The following CADM2 variants were observed in gnomAD, a reference collection of about 807,000 sequenced individuals.
CADM2 encodes the protein cell adhesion molecule 2.
Under a neutral mutation model 49.8 loss-of-function variants are expected in CADM2, and 12 were observed. That is an observed-to-expected ratio of 0.24 (90% CI 0.15 to 0.39). CADM2 has a LOEUF of 0.39. Ranked by LOEUF, CADM2 falls within the 10% of genes least tolerant of loss-of-function variation. CADM2 has a pLI of 1.00. For missense variants in CADM2, 378 were observed against 492.3 expected (o/e 0.77, Z 2.20); for synonymous variants, 214 against 175.4 (o/e 1.22, Z -1.74).
chr3:85,677,611 T>G (rs1218049056), intron 1 of CADM2, among the ~76,000 whole-genome samples: 1 of 152,188 alleles, frequency 6.6e-6, no homozygotes, highest in East Asian at 1.9e-4. Context: ...TAAAGAATTA[T>G]TTTTGAACAA....
chr3:85,400,187 T>C (rs1480903019), intron 1 of CADM2, among the ~76,000 whole-genome samples: 3 of 152,210 alleles, frequency 2.0e-5, no homozygotes, highest in Non-Finnish European at 4.4e-5. Context: ...AAAGGCCTTT[T>C]CTGCATCTAT....
intron 1 of CADM2, among the ~76,000 whole-genome samples, chr3:85,004,764 C>A (rs1286495689): frequency 6.6e-6 from 1 of 152,082 alleles, no homozygotes. Flanking sequence ...TCATTTTAAG[C>A]CATGTTAAGT....
At chr3:85,717,924 C>T (rs377460824) in intron 1 of CADM2, among the ~76,000 whole-genome samples, 22 of 152,104 alleles carry the variant, frequency 1.4e-4, no homozygotes, top group Admixed American at 2.6e-4. Flanking sequence ...CCTGCCACCA[C>T]GCCTGGCTAA....
chr3:85,701,976 ATAGATAGATAGATAGATAG>A (rs1559601862), intron 1 of CADM2, among the ~76,000 whole-genome samples: 5,472 of 70,170 alleles, frequency 0.078, 317 homozygotes, highest in African/African-American at 0.18. Flanking sequence ...ATAGACATAG[ATAGATAGATAGATAGATAG>A]ATAGATAGAT....
At chr3:85,028,724 A>C (rs1050167910) in intron 1 of CADM2, among the ~76,000 whole-genome samples, 1 of 152,060 alleles carries the variant, frequency 6.6e-6, no homozygotes, top group Non-Finnish European at 1.5e-5. Flanking sequence ...TAAGAATTCC[A>C]TCTCCTTATT....
chr3:85,604,777 C>A (rs1403683067), intron 1 of CADM2, among the ~76,000 whole-genome samples: 15 of 151,954 alleles, frequency 9.9e-5, no homozygotes, highest in Non-Finnish European at 2.1e-4. Context: ...AAAAGGAATT[C>A]AATCCATCAC....
chr3:85,839,643 G>A (rs1319554496), intron 3 of CADM2, among the ~76,000 whole-genome samples: 2 of 151,706 alleles, frequency 1.3e-5, no homozygotes, highest in Non-Finnish European at 2.9e-5. Flanking sequence ...GAGGGGAAGT[G>A]GGACTGAAAA....
At chr3:85,199,374 AGAG>A (rs1204383762) in intron 1 of CADM2, among the ~76,000 whole-genome samples, 2 of 138,748 alleles carry the variant, frequency 1.4e-5, no homozygotes, top group Admixed American at 7.2e-5. Flanking sequence ...TGTGTATGAG[AGAG>A]AGAGAGAGAG....
intron 1 of CADM2, among the ~76,000 whole-genome samples, chr3:85,715,540 T>C (rs1202970044): frequency 6.6e-6 from 1 of 152,192 alleles, no homozygotes; most frequent in African/African-American, 2.4e-5. Flanking sequence ...AGTTCTGGGA[T>C]ACATGTGCAG....
chr3:85,926,466 G>A (rs1719892581), intron 6 of CADM2, among the ~76,000 whole-genome samples: 1 of 152,136 alleles, frequency 6.6e-6, no homozygotes, highest in Admixed American at 6.6e-5. Context: ...TCACAATAGT[G>A]AGTTAGTGCA....
At chr3:85,546,773 A>C (rs2061677979) in intron 1 of CADM2, among the ~76,000 whole-genome samples, 1 of 152,074 alleles carries the variant, frequency 6.6e-6, no homozygotes, top group Non-Finnish European at 1.5e-5. Context: ...AAATGTAAAA[A>C]AGTGAGTCAA....
intron 1 of CADM2, among the ~76,000 whole-genome samples, chr3:85,222,499 C>A (rs1488694684): frequency 1.3e-5 from 2 of 152,150 alleles, no homozygotes; most frequent in African/African-American, 4.8e-5. Context: ...CACTCAGGAT[C>A]AGAGCTACCT....
At chr3:85,901,037 A>T (rs1331632595) in intron 5 of CADM2, among the ~76,000 whole-genome samples, 1 of 152,176 alleles carries the variant, frequency 6.6e-6, no homozygotes, top group African/African-American at 2.4e-5. Context: ...TGTCTATGAA[A>T]AATACAAAAA....
intron 1 of CADM2, among the ~76,000 whole-genome samples, chr3:85,092,601 T>C (rs1393581276): frequency 6.6e-6 from 1 of 152,222 alleles, no homozygotes; most frequent in Non-Finnish European, 1.5e-5. Flanking sequence ...GAGCTTTAGA[T>C]TGCAAATCAG....
chr3:85,184,754 A>G (rs948707523), intron 1 of CADM2, among the ~76,000 whole-genome samples: 1 of 152,130 alleles, frequency 6.6e-6, no homozygotes, highest in African/African-American at 2.4e-5. Context: ...AGCTTATTGT[A>G]TAGATAGGAG....
intron 1 of CADM2, among the ~76,000 whole-genome samples, chr3:85,551,820 T>G (rs1255420888): frequency 6.6e-6 from 1 of 152,182 alleles, no homozygotes; most frequent in East Asian, 1.9e-4. Context: ...ATCACAGACT[T>G]GCTGAAGTCC....
chr3:85,612,698 A>G (rs2063709491), intron 1 of CADM2, among the ~76,000 whole-genome samples: 1 of 151,826 alleles, frequency 6.6e-6, no homozygotes, highest in South Asian at 2.1e-4. Flanking sequence ...AAAACAATTT[A>G]TTATGATTTG....
intron 2 of CADM2, among the ~76,000 whole-genome samples, chr3:85,758,439 A>G (rs1035514250): frequency 6.6e-6 from 1 of 152,116 alleles, no homozygotes; most frequent in South Asian, 2.1e-4. Flanking sequence ...AAACATTTTC[A>G]TGTTTATGAC....
intron 2 of CADM2, among the ~76,000 whole-genome samples, chr3:85,735,501 G>A (rs2068097860): frequency 6.6e-6 from 1 of 152,146 alleles, no homozygotes; most frequent in African/African-American, 2.4e-5. Context: ...GTGAAGTAGA[G>A]AGCCATGGGA....
Sources: gnomAD v4.1 joint callset for allele counts (sites outside exome capture counted in the v4.1 genomes callset) on GRCh38, gnomAD v4.1.1 for gene constraint, MANE v1.5 for transcripts, NCBI Gene and HGNC (gene_info 2026-07-23, HGNC 2026-07-21) for gene names.